The following KCNQ3 variants were observed in gnomAD, a reference collection of about 807,000 sequenced individuals.
The protein encoded by KCNQ3 is potassium voltage-gated channel subfamily KQT member 3.
A neutral mutation model predicts 92.5 loss-of-function variants in KCNQ3; 30 were observed. The ratio of observed to expected loss-of-function variants is 0.32; its 90% CI spans 0.24 to 0.44. The LOEUF (loss-of-function observed/expected upper bound fraction) is 0.44. KCNQ3 is among the 20% of genes least tolerant of loss of function. The pLI is 1.00. For missense variants in KCNQ3, 913 were observed against 1,140.3 expected (o/e 0.80, Z 2.87); for synonymous variants, 450 against 468.8 (o/e 0.96, Z 0.52).
At chr8:132,136,551 C>A (rs1006508158) in intron 12 of KCNQ3, among the ~76,000 whole-genome samples, 18 of 152,154 alleles carry the variant, frequency 1.2e-4, no homozygotes, top group African/African-American at 3.9e-4. Flanking sequence ...TCTCCAGGCC[C>A]TGATATGGGA....
intron 1 of KCNQ3, among the ~76,000 whole-genome samples, chr8:132,299,933 C>T (rs1261880659): frequency 6.6e-6 from 1 of 152,210 alleles, no homozygotes; most frequent in African/African-American, 2.4e-5. Flanking sequence ...GCCATGTGCT[C>T]CTCTTCTCTG....
At chr8:132,468,041 T>C (rs1445239549) in intron 1 of KCNQ3, among the ~76,000 whole-genome samples, 2 of 152,224 alleles carry the variant, frequency 1.3e-5, no homozygotes, top group African/African-American at 4.8e-5. Context: ...TTTTCTAAGC[T>C]GTCAAGCGCC....
At chr8:132,297,092 T>C (rs1817055743) in intron 1 of KCNQ3, among the ~76,000 whole-genome samples, 1 of 152,224 alleles carries the variant, frequency 6.6e-6, no homozygotes, top group Non-Finnish European at 1.5e-5. Context: ...CTAACTGGTG[T>C]GAGATGGTAT....
chr8:132,211,378 C>A (rs1452059713), intron 1 of KCNQ3, among the ~76,000 whole-genome samples: 1 of 152,160 alleles, frequency 6.6e-6, no homozygotes, highest in Admixed American at 6.5e-5. Flanking sequence ...CAACTGATAG[C>A]AATGCAAAAA....
At chr8:132,385,900 A>T (rs1819879512) in intron 1 of KCNQ3, among the ~76,000 whole-genome samples, 1 of 152,052 alleles carries the variant, frequency 6.6e-6, no homozygotes, top group South Asian at 2.1e-4. Flanking sequence ...ATAAGTTAAA[A>T]TTTGTTTAAA....
chr8:132,301,445 T>C (rs996548810), intron 1 of KCNQ3, among the ~76,000 whole-genome samples: 6 of 152,210 alleles, frequency 3.9e-5, no homozygotes, highest in African/African-American at 1.4e-4. Flanking sequence ...CATTTCCTTA[T>C]GGAGTCTTTC....
At chr8:132,282,199 C>G (rs1405236321) in intron 1 of KCNQ3, among the ~76,000 whole-genome samples, 2 of 152,176 alleles carry the variant, frequency 1.3e-5, no homozygotes, top group Non-Finnish European at 2.9e-5. Context: ...TTTCAAAACA[C>G]TATCTGCCTA....
intron 8 of KCNQ3, 41 bp from the exon 9 acceptor site, chr8:132,163,535 G>A (rs373550580): frequency 2.9e-5 from 44 of 1,511,510 alleles, no homozygotes; most frequent in South Asian, 4.5e-5. Context: ...CATAAATTAC[G>A]TGAAACAGCT....
At chr8:132,474,863 G>A (rs1050636632) in intron 1 of KCNQ3, among the ~76,000 whole-genome samples, 1 of 152,134 alleles carries the variant, frequency 6.6e-6, no homozygotes, top group African/African-American at 2.4e-5. Flanking sequence ...GTGAAAGCAG[G>A]GGATGGGCAT....
chr8:132,336,556 C>T (rs1030114223), intron 1 of KCNQ3, among the ~76,000 whole-genome samples: 5 of 152,154 alleles, frequency 3.3e-5, no homozygotes, highest in South Asian at 2.1e-4. Context: ...AGATGAATAA[C>T]GGGGATCTGA....
At chr8:132,184,089 C>T (rs1307515597) in intron 3 of KCNQ3, 152 bp downstream of exon 3, 2 of 928,444 alleles carry the variant, frequency 2.2e-6, no homozygotes, top group East Asian at 2.4e-5. Flanking sequence ...AAGGTTGACA[C>T]TGTCCCTTCT....
intron 1 of KCNQ3, among the ~76,000 whole-genome samples, chr8:132,208,643 T>C (rs939490171): frequency 6.6e-6 from 1 of 151,902 alleles, no homozygotes; most frequent in Non-Finnish European, 1.5e-5. Context: ...GGTCAGAAAA[T>C]ATGATTTTAA....
chr8:132,476,924 C>T (rs906374214), intron 1 of KCNQ3, among the ~76,000 whole-genome samples: 1 of 152,156 alleles, frequency 6.6e-6, no homozygotes, highest in African/African-American at 2.4e-5. Context: ...TTGTGGGAGT[C>T]GCCTGGTGGG....
intron 9 of KCNQ3, among the ~76,000 whole-genome samples, chr8:132,150,132 T>G (rs895780987): frequency 2.0e-5 from 3 of 152,084 alleles, no homozygotes; most frequent in African/African-American, 7.2e-5. Flanking sequence ...TGGGGATCAC[T>G]GTATTTTTGG....
intron 1 of KCNQ3, among the ~76,000 whole-genome samples, chr8:132,195,439 C>T (rs765978541): frequency 7.9e-5 from 12 of 152,204 alleles, no homozygotes; most frequent in Non-Finnish European, 1.8e-4. Flanking sequence ...ATCCTCATGT[C>T]CCCTTAGGGG....
At chr8:132,239,970 G>A (rs547884011) in intron 1 of KCNQ3, among the ~76,000 whole-genome samples, 12 of 152,276 alleles carry the variant, frequency 7.9e-5, no homozygotes, top group South Asian at 2.1e-4. Context: ...GAGGCACTCA[G>A]ACAGTATTTA....
At position 132,172,622 on chromosome 8, in the gene KCNQ3, C is replaced by T; in HGVS notation, c.1116G>A (p.Arg372=). 1 of 1,614,126 alleles carries T rather than the reference C, an allele frequency of 6.2e-7. No individual in the cohort carries two copies. Residue 372 remains arginine (R), a synonymous_variant, in exon 7 of 15, where the codon AGG becomes AGA. Coordinates refer to ENST00000388996, the MANE Select transcript of KCNQ3 (RefSeq NM_004519.4). ...QHRQKHFEKR[R]KPAAELIQAA... is the part of the protein sequence containing the mutation. ...CCTGAATGAGCTCAGCAGCTGGCTT[C>T]CTCCTTTTCTCAAAGTGCTTCTGAC... is the stretch of plus-strand genomic sequence containing the variant.
intron 1 of KCNQ3, among the ~76,000 whole-genome samples, chr8:132,410,544 C>T (rs1464876778): frequency 6.6e-6 from 1 of 152,210 alleles, no homozygotes; most frequent in Non-Finnish European, 1.5e-5. Flanking sequence ...GCATTGCATG[C>T]AAAGTATGTG....
At chr8:132,178,506 G>A (rs754512923) in intron 4 of KCNQ3, among the ~76,000 whole-genome samples, 2 of 152,126 alleles carry the variant, frequency 1.3e-5, no homozygotes, top group African/African-American at 2.4e-5. Flanking sequence ...GCACTTAAAT[G>A]CACATTTTCT....
Sources: allele counts gnomAD v4.1 joint callset (sites outside exome capture counted in the v4.1 genomes callset), GRCh38; gene constraint gnomAD v4.1.1; transcripts MANE v1.5; gene names NCBI Gene and HGNC (gene_info 2026-07-23, HGNC 2026-07-21).